CELF1: variants seen among roughly 807,000 people sequenced by gnomAD.
CELF1 encodes the protein 50 kDa nuclear polyadenylated RNA-binding protein.
In CELF1, 10 loss-of-function variants were observed where a neutral mutation model predicts 61.8. That is an observed-to-expected ratio of 0.16 (90% CI 0.10 to 0.27). The LOEUF is 0.27. Ranked by LOEUF, CELF1 falls within the 10% of genes least tolerant of loss-of-function variation. The pLI is 1.00. For synonymous variants in CELF1, 236 were observed against 225.1 expected (o/e 1.05, Z -0.43); for missense variants, 380 against 639.1 (o/e 0.59, Z 4.37).
intron 6 of CELF1, among the ~76,000 whole-genome samples, chr11:47,485,284 A>T (rs1368595905): frequency 3.3e-5 from 5 of 151,318 alleles, no homozygotes; most frequent in African/African-American, 1.2e-4. Context: ...GGGTTTAAGC[A>T]ATCTTCCCAC....
intron 3 of CELF1, among the ~76,000 whole-genome samples, chr11:47,495,032 C>T (rs1025105742): frequency 1.3e-5 from 2 of 152,160 alleles, no homozygotes; most frequent in African/African-American, 2.4e-5. Context: ...ATTATAGGCA[C>T]GAGCCACTGC....
At chr11:47,480,773 G>C (rs915739378) in intron 9 of CELF1, among the ~76,000 whole-genome samples, 1 of 152,100 alleles carries the variant, frequency 6.6e-6, no homozygotes, top group Non-Finnish European at 1.5e-5. Context: ...AGTGGTTCAC[G>C]CCTGTAATCC....
chr11:47,502,213 T>TA (rs1201975780), intron 1 of CELF1, among the ~76,000 whole-genome samples: 2 of 152,220 alleles, frequency 1.3e-5, no homozygotes, highest in Non-Finnish European at 2.9e-5. Flanking sequence ...ATACTGCTAT[T>TA]AAAGTCCATT....
At chr11:47,502,442 C>G (rs747886265) in intron 1 of CELF1, among the ~76,000 whole-genome samples, 13 of 151,942 alleles carry the variant, frequency 8.6e-5, no homozygotes, top group Non-Finnish European at 1.8e-4. Flanking sequence ...TACAAAAATG[C>G]AAATATTAAG....
intron 1 of CELF1, among the ~76,000 whole-genome samples, chr11:47,526,167 T>TA (rs2153672591): frequency 6.6e-6 from 1 of 152,122 alleles, no homozygotes; most frequent in Admixed American, 6.6e-5. Context: ...CCGTCTTTAC[T>TA]AAAAATACAA....
At chr11:47,506,279 A>G (rs2094487923) in intron 1 of CELF1, among the ~76,000 whole-genome samples, 1 of 150,934 alleles carries the variant, frequency 6.6e-6, no homozygotes, top group South Asian at 2.1e-4. Context: ...ACAAAACATT[A>G]GCCAGGCGTG....
At chr11:47,551,328 G>C (rs908206500) in intron 1 of CELF1, among the ~76,000 whole-genome samples, 3 of 152,162 alleles carry the variant, frequency 2.0e-5, no homozygotes, top group Non-Finnish European at 4.4e-5. Flanking sequence ...ACCACTAGGG[G>C]AACCATAACC....
In CELF1 at chr11:47,547,988, C is replaced by A. The variant is rs1054409334; in HGVS notation, c.-154+5004G>T. Reference sequence around the variant, plus strand: ...CAACACCTCAATGTAACTAATGTCACTGAATTATACACTTAAAAATGGTTA... The same window carrying A: ...CAACACCTCAATGTAACTAATGTCAATGAATTATACACTTAAAAATGGTTA... On this transcript the variant is annotated intron_variant, in intron 1 of 14. Coordinates refer to ENST00000687097, the MANE Select transcript of CELF1 (RefSeq NM_001376376.1). Among the ~76,000 whole-genome samples the A allele has an allele frequency of 3.9e-5, 6 of 152,046 alleles. 1 individual carries two copies. Among genetic ancestry groups the A allele is most frequent in the Admixed American group, 3.3e-4 (5 of 15,246 alleles).
chr11:47,489,935 G>GTTTGTTTTTTTTTTTTTTTTTTTTTTTT (rs2090214135), intron 3 of CELF1, among the ~76,000 whole-genome samples: 1 of 48,226 alleles, frequency 2.1e-5, no homozygotes, highest in Non-Finnish European at 3.9e-5. Flanking sequence ...ATACCATCTT[G>GTTTGTTTTTTTTTTTTTTTTTTTTTTTT]TTTTTTTTTT....
intron 12 of CELF1, among the ~76,000 whole-genome samples, chr11:47,476,176 G>C (rs1596133153): frequency 6.6e-6 from 1 of 151,514 alleles, no homozygotes; most frequent in East Asian, 2.0e-4. Context: ...AATTTTTGTA[G>C]AGATGGAGTT....
At chr11:47,523,062 T>C (rs1031783035) in intron 1 of CELF1, among the ~76,000 whole-genome samples, 8 of 152,140 alleles carry the variant, frequency 5.3e-5, no homozygotes, top group Non-Finnish European at 1.0e-4. Context: ...CACTTATTTA[T>C]GTATAAACAT....
chr11:47,530,882 G>A (rs2153689453), intron 1 of CELF1, among the ~76,000 whole-genome samples: 1 of 152,164 alleles, frequency 6.6e-6, no homozygotes, highest in African/African-American at 2.4e-5. Flanking sequence ...TTGAGCCCAC[G>A]AGGTCAAGGC....
chr11:47,554,641 A>T (rs966827784), upstream of CELF1, among the ~76,000 whole-genome samples: 1 of 150,158 alleles, frequency 6.7e-6, no homozygotes, highest in African/African-American at 2.4e-5. Flanking sequence ...TTTATCCAAA[A>T]CATTTATCAT....
In CELF1 at chr11:47,470,585, T is replaced by A. The variant is rs941877752; in HGVS notation, c.*1645A>T. ...ACAACAGTAAGATGGTCAATCCCTG[T>A]CTGTTACCCACAGGGACAGCATGAC... On this transcript the variant is annotated 3_prime_UTR_variant, in exon 15 of 15. Transcript: ENST00000687097. 1 of 152,236 alleles carries A rather than the reference T, an allele frequency of 6.6e-6. No homozygotes were observed. The highest frequency in any genetic ancestry group is 1.5e-5 in the Non-Finnish European group (1 of 68,058). The allele number at this position is 152,236 out of a possible 1,614,324, so 9.4% of individuals were successfully genotyped here. A position where few individuals can be genotyped will look rare whatever the true frequency, so the allele number is the denominator to read the frequency against.
At chr11:47,552,672 G>A (rs1565916940) in intron 1 of CELF1, among the ~76,000 whole-genome samples, 1 of 152,246 alleles carries the variant, frequency 6.6e-6, no homozygotes, top group Non-Finnish European at 1.5e-5. Context: ...CTGGCCCTGG[G>A]CAGGGCACGA....
At chr11:47,489,955 T>TTTTTTA (rs71042675) in intron 3 of CELF1, among the ~76,000 whole-genome samples, 2 of 141,284 alleles carry the variant, frequency 1.4e-5, no homozygotes, top group African/African-American at 5.3e-5. Flanking sequence ...TTTTTTTTTT[T>TTTTTTA]GAGACGGAAT....
chr11:47,536,902 T>C (rs1436386250), intron 1 of CELF1, among the ~76,000 whole-genome samples: 1 of 152,078 alleles, frequency 6.6e-6, no homozygotes, highest in Non-Finnish European at 1.5e-5. Context: ...AAAGGGGAAG[T>C]AGGAAGGACA....
At chr11:47,506,563 G>A (rs113036013) in intron 1 of CELF1, among the ~76,000 whole-genome samples, 2,444 of 152,296 alleles carry the variant, frequency 0.016, 51 homozygotes, top group African/African-American at 0.049. Flanking sequence ...TATTCCTCCC[G>A]GCTCCCTCCA....
intron 1 of CELF1, among the ~76,000 whole-genome samples, chr11:47,545,268 A>G (rs2096903321): frequency 6.6e-6 from 1 of 152,106 alleles, no homozygotes; most frequent in South Asian, 2.1e-4. Flanking sequence ...CATCTCTACT[A>G]AAAATACAAA....
Sources: allele counts gnomAD v4.1 joint callset (sites outside exome capture counted in the v4.1 genomes callset), GRCh38; gene constraint gnomAD v4.1.1; transcripts MANE v1.5; gene names NCBI Gene and HGNC (gene_info 2026-07-23, HGNC 2026-07-21).